Variants in ACVR1B observed in about 807,000 individuals in gnomAD.
The protein encoded by ACVR1B is activin A receptor type 1B.
ACVR1B carries 15 observed loss-of-function variants against 55.6 expected under a neutral mutation model. The observed-to-expected ratio is 0.27, with a 90% confidence interval of 0.18 to 0.42. The LOEUF (loss-of-function observed/expected upper bound fraction) is 0.42, where lower values mean the gene tolerates loss of function less well. ACVR1B is among the 10% of genes least tolerant of loss of function. The pLI is 1.00. For missense variants in ACVR1B, 359 were observed against 670.1 expected (o/e 0.54, Z 5.13); for synonymous variants, 247 against 254.6 (o/e 0.97, Z 0.28).
At chr12:51,989,602 A>G (rs1942150221) in intron 7 of ACVR1B, among the ~76,000 whole-genome samples, 1 of 152,090 alleles carries the variant, frequency 6.6e-6, no homozygotes, top group African/African-American at 2.4e-5. Flanking sequence ...GCTTTTTAAA[A>G]CTATCTTTTT....
chr12:51,976,856 T>C (rs1941869057), intron 3 of ACVR1B, among the ~76,000 whole-genome samples: 1 of 152,200 alleles, frequency 6.6e-6, no homozygotes, highest in Non-Finnish European at 1.5e-5. Flanking sequence ...GTACATCTAT[T>C]AAAATTCAGC....
At chr12:51,976,639 G>A in intron 3 of ACVR1B, 64 bp downstream of exon 3, 1 of 1,589,456 alleles carries the variant, frequency 6.3e-7, no homozygotes, top group South Asian at 1.1e-5. Flanking sequence ...GCAGGATAGA[G>A]TGCTTGTAGA....
chr12:51,983,398 C>T (rs1942017712), intron 4 of ACVR1B, among the ~76,000 whole-genome samples: 1 of 152,180 alleles, frequency 6.6e-6, no homozygotes, highest in Non-Finnish European at 1.5e-5. Context: ...CACTGAAAAG[C>T]ATTTTTTGGC....
intron 3 of ACVR1B, among the ~76,000 whole-genome samples, chr12:51,977,530 C>G (rs1008460815): frequency 6.6e-6 from 1 of 151,508 alleles, no homozygotes; most frequent in African/African-American, 2.4e-5. Context: ...TTCTTGACCT[C>G]AAGTGATCCG....
At chr12:51,955,826 C>T (rs1486774042) in intron 1 of ACVR1B, among the ~76,000 whole-genome samples, 3 of 152,220 alleles carry the variant, frequency 2.0e-5, no homozygotes, top group Non-Finnish European at 4.4e-5. Context: ...AGCCACAGCC[C>T]ATCAGTTCCA....
chr12:51,962,370 GTTGTTGTTT>G (rs879303429), intron 1 of ACVR1B, among the ~76,000 whole-genome samples: 1 of 151,324 alleles, frequency 6.6e-6, no homozygotes, highest in Non-Finnish European at 1.5e-5. Context: ...TGTTGTTGTT[GTTGTTGTTT>G]TTCTGTATAC....
At chr12:51,952,228 C>G (rs1342150575) in intron 1 of ACVR1B, among the ~76,000 whole-genome samples, 1 of 152,150 alleles carries the variant, frequency 6.6e-6, no homozygotes, top group African/African-American at 2.4e-5. Flanking sequence ...CCTCCAGGTG[C>G]TCCTGGGGGG....
intron 1 of ACVR1B, among the ~76,000 whole-genome samples, chr12:51,973,900 G>C (rs998823784): frequency 2.0e-5 from 3 of 152,206 alleles, no homozygotes; most frequent in Non-Finnish European, 4.4e-5. Context: ...TTTATAGAAA[G>C]CCTAAGGAAG....
rs1001800251 is a variant in ACVR1B, at chr12:51,996,136, C to G, written c.*2026C>G. 1.3e-5 allele frequency: 2 copies of G among 152,444 alleles called. No homozygotes were observed. The highest frequency in any genetic ancestry group is 1.5e-5 in the Non-Finnish European group (1 of 68,244). The allele number at this position is 152,444 out of a possible 1,614,324, so 9.4% of individuals were successfully genotyped here. On this transcript the variant is annotated 3_prime_UTR_variant, in exon 9 of 9. Transcript: ENST00000257963. Reference sequence around the variant, plus strand: ...GAAGAAAGAGGAACCCCCACAACCCCCTCCACAAAGAGACCAGGGGCGGGT... The same window carrying G: ...GAAGAAAGAGGAACCCCCACAACCCGCTCCACAAAGAGACCAGGGGCGGGT...
At chr12:51,951,917 AGC>A in intron 1 of ACVR1B, 83 bp downstream of exon 1, 1 of 860,004 alleles carries the variant, frequency 1.2e-6, no homozygotes, top group Non-Finnish European at 1.5e-6. Flanking sequence ...GCTGGACTAC[AGC>A]GCGCCCCCTC....
In ACVR1B at chr12:51,981,056, G is replaced by A. The variant is rs970038640; in HGVS notation, c.668G>A (p.Arg223Gln). The A allele has an allele frequency of 4.3e-6, 7 of 1,613,968 alleles. No individual in the cohort carries two copies. The highest frequency in any genetic ancestry group is 2.7e-5 in the African/African-American group (2 of 74,916). Residue 223 changes from arginine to glutamine, a missense_variant, in exon 4 of 9, where the codon CGG (arginine) becomes CAG (glutamine). This residue lies in a region of ACVR1B where 119 missense variants were observed against 340.2 expected (regional missense o/e 0.35). Transcript: ENST00000257963. ...IGKGRFGEVW[R>Q]GRWRGGDVAV... ...AAGGGTCGGTTTGGGGAAGTATGGC[G>A]GGGCCGCTGGAGGGGTGGTGATGTG...
chr12:51,982,336 T>C (rs952920976), intron 4 of ACVR1B, among the ~76,000 whole-genome samples: 20 of 152,284 alleles, frequency 1.3e-4, no homozygotes, highest in Admixed American at 6.5e-4. Context: ...TTTGAGAGGA[T>C]TGTATTCCAT....
chr12:51,977,556 A>T (rs1565617350), intron 3 of ACVR1B, among the ~76,000 whole-genome samples: 1 of 149,380 alleles, frequency 6.7e-6, no homozygotes, highest in Admixed American at 6.6e-5. Flanking sequence ...CTCGTAAAGA[A>T]TTTTTTTAAT....
intron 4 of ACVR1B, chr12:51,982,864 T>A (rs1942006503): frequency 7.0e-7 from 1 of 1,421,634 alleles, no homozygotes; most frequent in Non-Finnish European, 9.2e-7. Flanking sequence ...ATCTTATATG[T>A]TTTAAAAGGA....
chr12:51,986,507 A>G (rs943619347), intron 6 of ACVR1B, among the ~76,000 whole-genome samples: 2 of 152,170 alleles, frequency 1.3e-5, no homozygotes, highest in African/African-American at 4.8e-5. Context: ...TGATCCGCCC[A>G]CCTTGGCCTC....
At chr12:51,986,577 T>G (rs1046295997) in intron 6 of ACVR1B, among the ~76,000 whole-genome samples, 14 of 152,220 alleles carry the variant, frequency 9.2e-5, no homozygotes, top group African/African-American at 3.4e-4. Flanking sequence ...CAAATCTTGA[T>G]GGTTAAAAAT....
rs758206085 is a variant in ACVR1B at position 51,971,804 on chromosome 12, TAAAAAC to T, written c.92-3456_92-3451del. Reference sequence around the variant, plus strand: ...GGTCAGTGATCAAACAGTGTGAACTTAAAAACAAAACTAGATTCAAACATAGCTGGA... The same window carrying T: ...GGTCAGTGATCAAACAGTGTGAACTTAAAACTAGATTCAAACATAGCTGGA... On this transcript the variant is annotated intron_variant, in intron 1 of 8. Transcript: ENST00000257963. 3.3e-5 allele frequency among the ~76,000 whole-genome samples: 5 copies of T among 152,296 alleles called. No homozygotes were observed. In the East Asian group the frequency reaches 7.7e-4, roughly 24 times the overall value.
chr12:51,957,275 G>T (rs778552575), intron 1 of ACVR1B, among the ~76,000 whole-genome samples: 1 of 151,244 alleles, frequency 6.6e-6, no homozygotes, highest in African/African-American at 2.4e-5. Context: ...CTGAAACCCC[G>T]TCTCTATTAA....
Position 51,992,001 on chromosome 12 carries a change from G to T in ACVR1B, c.1392+8G>T, listed in dbSNP as rs1297852927. The T allele has an allele frequency of 6.2e-7, 1 of 1,614,136 alleles. No individual in the cohort carries two copies. The highest frequency in any genetic ancestry group is 8.5e-7 in the Non-Finnish European group (1 of 1,180,050). On this transcript the variant is annotated splice_region_variant and intron_variant, in intron 8 of 8. Coordinates refer to ENST00000257963, the MANE Select transcript of ACVR1B (RefSeq NM_004302.5). ...TGGTGGCAGAGTTATGAGGTAAGAAGCTGGCCTCCTGCGGCTTTCCCATCA... is the reference window on the plus strand; with the variant it reads ...TGGTGGCAGAGTTATGAGGTAAGAATCTGGCCTCCTGCGGCTTTCCCATCA...
Sources: gnomAD v4.1 joint callset for allele counts (sites outside exome capture counted in the v4.1 genomes callset) on GRCh38, gnomAD v4.1.1 for gene constraint, gnomAD v4.1.1 regional missense constraint, MANE v1.5 for transcripts, NCBI Gene and HGNC (gene_info 2026-07-23, HGNC 2026-07-21) for gene names.